The following PRDM16 variants were observed in gnomAD, a reference collection of about 807,000 sequenced individuals.
PRDM16 encodes the protein PR/SET domain 16, also known as histone-lysine N-methyltransferase PRDM16.
A neutral mutation model predicts 110.6 loss-of-function variants in PRDM16; 23 were observed. That is an observed-to-expected ratio of 0.21 (90% confidence interval 0.15 to 0.29). The LOEUF is 0.29. Ranked by LOEUF, PRDM16 falls within the 10% of genes least tolerant of loss-of-function variation. The pLI, the probability that PRDM16 is intolerant of heterozygous loss-of-function variation, is 1.00. For missense variants in PRDM16, 1,615 were observed against 1,794.3 expected, an observed-to-expected ratio of 0.90 and a Z score of 1.81; for synonymous variants, 799 against 781.8, an observed-to-expected ratio of 1.02 and a Z score of -0.37.
At chr1:3,432,191 G>C (rs754551089) in intron 16 of PRDM16, 51 bp downstream of exon 16, 2 of 1,553,016 alleles carry the variant, frequency 1.3e-6, no homozygotes, top group South Asian at 1.2e-5. Context: ...TCCTCAGCCA[G>C]AGGACAGCCA....
intron 3 of PRDM16, among the ~76,000 whole-genome samples, chr1:3,249,787 T>C (rs1004114788): frequency 3.3e-5 from 5 of 152,250 alleles, no homozygotes; most frequent in African/African-American, 1.2e-4. Context: ...TCTCTTTCCA[T>C]TGTCCCAGGG....
intron 1 of PRDM16, among the ~76,000 whole-genome samples, chr1:3,126,020 G>A (rs993571832): frequency 9.2e-5 from 14 of 152,256 alleles, no homozygotes; most frequent in Admixed American, 3.3e-4. Flanking sequence ...TAGAGAGCCC[G>A]GGCAGTTATC....
chr1:3,161,195 C>T (rs1006428291), intron 1 of PRDM16, among the ~76,000 whole-genome samples: 1 of 152,200 alleles, frequency 6.6e-6, no homozygotes, highest in Non-Finnish European at 1.5e-5. Flanking sequence ...TCCGGCAGAA[C>T]AGGCAGTTTT....
chr1:3,181,666 AG>A (rs1644196907), intron 1 of PRDM16, among the ~76,000 whole-genome samples: 2 of 133,114 alleles, frequency 1.5e-5, no homozygotes, highest in South Asian at 2.5e-4. Context: ...GGTCTTACAC[AG>A]TCTTACACGC....
intron 1 of PRDM16, among the ~76,000 whole-genome samples, chr1:3,180,992 AC>A (rs1644150362): frequency 4.1e-5 from 6 of 145,146 alleles, no homozygotes; most frequent in East Asian, 4.0e-4. Flanking sequence ...GCAGTCTTAC[AC>A]ACGATCTTAC....
At chr1:3,351,930 G>A (rs1043527228) in intron 3 of PRDM16, among the ~76,000 whole-genome samples, 2 of 151,414 alleles carry the variant, frequency 1.3e-5, no homozygotes, top group South Asian at 2.1e-4. Context: ...TGATGCCTGA[G>A]GGTAGCTGGG....
intron 1 of PRDM16, among the ~76,000 whole-genome samples, chr1:3,176,633 G>A (rs372880497): frequency 7.3e-6 from 1 of 136,420 alleles, no homozygotes; most frequent in Non-Finnish European, 1.6e-5. Context: ...ATCCATCCAT[G>A]TACCCATCTA....
intron 3 of PRDM16, among the ~76,000 whole-genome samples, chr1:3,334,996 C>T (rs1396563717): frequency 1.3e-5 from 2 of 152,234 alleles, no homozygotes; most frequent in Non-Finnish European, 2.9e-5. Context: ...CCCATAGGCT[C>T]AGAGCCAGAG....
Position 3,370,274 on chromosome 1 carries a change from C to G in PRDM16, c.439-14878C>G, listed in dbSNP as rs1263695719. On this transcript the variant is annotated intron_variant, in intron 3 of 16. Transcript: ENST00000270722. This position sits in a 1 kb window ranked among gnomAD's most constrained non-coding sequence, Gnocchi z 4.8. The stretch of plus-strand genomic sequence containing the variant: ...GACAATGATCTGGAAAATGTTGCAA[C>G]TCTGATTTCCAGAGAGGCAAGTAAC... 6.6e-6 allele frequency among the ~76,000 whole-genome samples: 1 copy of G among 152,132 alleles called. No homozygotes were observed. Among genetic ancestry groups the G allele is most frequent in the East Asian group, 1.9e-4 (1 of 5,202 alleles).
At chr1:3,211,963 G>A (rs1377684299) in intron 2 of PRDM16, among the ~76,000 whole-genome samples, 1 of 152,228 alleles carries the variant, frequency 6.6e-6, no homozygotes, top group Non-Finnish European at 1.5e-5. Flanking sequence ...ATGAAAGAGG[G>A]GACAATAAAT....
chr1:3,180,370 T>C (rs1644135926), intron 1 of PRDM16, among the ~76,000 whole-genome samples: 1 of 152,060 alleles, frequency 6.6e-6, no homozygotes, highest in Non-Finnish European at 1.5e-5. Flanking sequence ...TTCTTTCCAC[T>C]GAAATGTTCC....
At chr1:3,323,639 A>G (rs1027511834) in intron 3 of PRDM16, among the ~76,000 whole-genome samples, 46 of 152,334 alleles carry the variant, frequency 3.0e-4, no homozygotes, top group African/African-American at 1.1e-3. Context: ...CCACGTGTGC[A>G]GTCATAAAAA....
chr1:3,322,731 A>G (rs553413741), intron 3 of PRDM16, among the ~76,000 whole-genome samples: 1 of 152,334 alleles, frequency 6.6e-6, no homozygotes, highest in African/African-American at 2.4e-5. Flanking sequence ...CCCGTCACCT[A>G]GAAATCCACA....
intron 2 of PRDM16, among the ~76,000 whole-genome samples, chr1:3,205,419 C>T (rs1266626274): frequency 1.3e-5 from 2 of 152,086 alleles, no homozygotes; most frequent in Non-Finnish European, 2.9e-5. Flanking sequence ...AGAAATGTAT[C>T]CTAATGGCTG....
At chr1:3,180,717 C>T (rs1644140815) in intron 1 of PRDM16, among the ~76,000 whole-genome samples, 1 of 132,512 alleles carries the variant, frequency 7.5e-6, no homozygotes, top group Non-Finnish European at 1.6e-5. Context: ...GACGGGAGAC[C>T]CTTCCTCCTG....
chr1:3,215,147 G>T (rs1638989462), intron 2 of PRDM16, among the ~76,000 whole-genome samples: 1 of 152,208 alleles, frequency 6.6e-6, no homozygotes, highest in Admixed American at 6.5e-5. Context: ...CTCCTGGATA[G>T]CCTGGGTTGA....
At chr1:3,429,179 T>G (rs1385554906) in intron 14 of PRDM16, among the ~76,000 whole-genome samples, 3 of 152,240 alleles carry the variant, frequency 2.0e-5, no homozygotes, top group African/African-American at 7.2e-5. Flanking sequence ...GATCTTGGAC[T>G]TCTGGCCTCA....
At position 3,434,665 on chromosome 1, in the gene PRDM16, C is replaced by T. The variant is rs1213362369; in HGVS notation, c.*854C>T. Reference sequence around the variant, plus strand: ...CATGGAATTGGTGTCAGGACCGCCACGTGGCCTTCAGAGGAATCCACAGGT... The same window carrying T: ...CATGGAATTGGTGTCAGGACCGCCATGTGGCCTTCAGAGGAATCCACAGGT... On this transcript the variant is annotated 3_prime_UTR_variant, in exon 17 of 17. Transcript: ENST00000270722. The T allele has an allele frequency of 3.0e-5, 7 of 232,504 alleles. No homozygotes were observed. The highest frequency in any genetic ancestry group is 2.2e-5 in the African/African-American group (1 of 45,306). 14.4% of individuals were successfully genotyped at this position (232,504 alleles called of 1,614,324 possible).
At chr1:3,335,560 G>A (rs577141749) in intron 3 of PRDM16, among the ~76,000 whole-genome samples, 2 of 149,972 alleles carry the variant, frequency 1.3e-5, no homozygotes, top group African/African-American at 4.9e-5. Context: ...TTCAAACAGA[G>A]CATTGGAGGA....
Sources: gnomAD v4.1 joint callset for allele counts (sites outside exome capture counted in the v4.1 genomes callset) on GRCh38, gnomAD v4.1.1 for gene constraint, Gnocchi (gnomAD v3.1) non-coding constraint, MANE v1.5 for transcripts, NCBI Gene and HGNC (gene_info 2026-07-23, HGNC 2026-07-21) for gene names.